The following CHCHD3 variants were observed in gnomAD, a reference collection of about 807,000 sequenced individuals.
CHCHD3 encodes the protein MICOS complex subunit MIC19.
Under a neutral mutation model 38.2 loss-of-function variants are expected in CHCHD3, and 20 were observed. The observed-to-expected ratio is 0.52, with a 90% CI of 0.37 to 0.76. The LOEUF is 0.76. Among genes scored for constraint, CHCHD3 ranks in the 30% least tolerant of loss-of-function variants. The pLI is 0.00. For missense variants in CHCHD3, 245 were observed against 279.2 expected (o/e 0.88, Z 0.87); for synonymous variants, 82 against 100.0 (o/e 0.82, Z 1.07).
intron 3 of CHCHD3, among the ~76,000 whole-genome samples, chr7:132,987,211 T>C (rs1812144564): frequency 6.6e-6 from 1 of 152,168 alleles, no homozygotes; most frequent in South Asian, 2.1e-4. Flanking sequence ...CATGATAATC[T>C]ATGAAAAGGA....
intron 4 of CHCHD3, chr7:132,972,890 T>C (rs1379629217): frequency 1.0e-6 from 1 of 985,330 alleles, no homozygotes. Context: ...TTTCTCATGC[T>C]TCACCAGCTA....
At chr7:132,809,627 C>A (rs1807015470) in intron 6 of CHCHD3, among the ~76,000 whole-genome samples, 1 of 152,166 alleles carries the variant, frequency 6.6e-6, no homozygotes, top group Admixed American at 6.5e-5. Flanking sequence ...ACTGAAATTT[C>A]TGTTAAACCA....
At chr7:132,786,991 C>T (rs182817638) in intron 7 of CHCHD3, among the ~76,000 whole-genome samples, 68 of 152,206 alleles carry the variant, frequency 4.5e-4, no homozygotes, top group Non-Finnish European at 2.1e-4. Context: ...GTAGCTGGAG[C>T]GAGCAGGGAA....
At chr7:132,970,705 G>A (rs913449177) in intron 4 of CHCHD3, among the ~76,000 whole-genome samples, 24 of 152,074 alleles carry the variant, frequency 1.6e-4, no homozygotes, top group African/African-American at 5.8e-4. Context: ...AGTAATGGAA[G>A]AATTTTGAAG....
intron 7 of CHCHD3, among the ~76,000 whole-genome samples, chr7:132,796,171 A>G (rs1015441322): frequency 3.3e-5 from 5 of 152,224 alleles, no homozygotes; most frequent in Non-Finnish European, 5.9e-5. Flanking sequence ...TTAGAAGACA[A>G]AAGTTCAGGG....
intron 3 of CHCHD3, among the ~76,000 whole-genome samples, chr7:133,003,013 G>A (rs1197820333): frequency 6.6e-6 from 1 of 152,172 alleles, no homozygotes; most frequent in Non-Finnish European, 1.5e-5. Flanking sequence ...GTTGCAGTAT[G>A]TATACATGCC....
chr7:133,066,642 G>T (rs1488887684), intron 2 of CHCHD3, among the ~76,000 whole-genome samples: 1 of 152,110 alleles, frequency 6.6e-6, no homozygotes, highest in African/African-American at 2.4e-5. Context: ...TTCAAATGGG[G>T]AGTGAGAAGG....
At chr7:133,037,334 A>G (rs1813707870) in intron 2 of CHCHD3, among the ~76,000 whole-genome samples, 1 of 152,232 alleles carries the variant, frequency 6.6e-6, no homozygotes, top group Non-Finnish European at 1.5e-5. Flanking sequence ...ACTAGAAGCA[A>G]ATTAAATGTC....
chr7:132,985,551 T>A (rs1295778714), intron 3 of CHCHD3, among the ~76,000 whole-genome samples: 1 of 57,266 alleles, frequency 1.7e-5, no homozygotes, highest in Non-Finnish European at 3.3e-5. Context: ...AGGAGGGAGG[T>A]GGGGGGGTCA....
Position 132,785,675 on chromosome 7 carries a change from GA to G in CHCHD3, c.661-16del, listed in dbSNP as rs769883808. The stretch of plus-strand genomic sequence containing the variant: ...TCAAGCATGCTCTGCAAGAAAAACA[GA>G]AAGAGTAAGTTTTACCACCGGGAGA... On this transcript the variant is annotated splice_polypyrimidine_tract_variant and intron_variant, in intron 7 of 7. Coordinates refer to ENST00000262570, the MANE Select transcript of CHCHD3 (RefSeq NM_017812.4). 4 of 1,613,868 alleles carry G rather than the reference GA, an allele frequency of 2.5e-6. No individual in the cohort carries two copies. In the South Asian group the frequency reaches 4.4e-5, roughly 18 times the overall value.
chr7:132,865,325 G>GTTT (rs1008571382), intron 5 of CHCHD3, among the ~76,000 whole-genome samples: 2 of 152,186 alleles, frequency 1.3e-5, no homozygotes, highest in Non-Finnish European at 2.9e-5. Flanking sequence ...TAATCATGGG[G>GTTT]AAGAGGTTGG....
intron 6 of CHCHD3, 70 bp from the exon 7 acceptor site, chr7:132,796,647 A>G: frequency 7.2e-7 from 1 of 1,392,472 alleles, no homozygotes; most frequent in South Asian, 1.3e-5. Context: ...GTTAAAGAAC[A>G]CATAAAACGC....
intron 6 of CHCHD3, among the ~76,000 whole-genome samples, chr7:132,822,312 AGG>A (rs1447303468): frequency 3.9e-5 from 6 of 152,200 alleles, no homozygotes; most frequent in African/African-American, 1.4e-4. Context: ...ATTCACCTCT[AGG>A]GAATTACAAA....
At chr7:133,051,326 G>A (rs531050682) in intron 2 of CHCHD3, among the ~76,000 whole-genome samples, 22 of 152,230 alleles carry the variant, frequency 1.4e-4, no homozygotes, top group Admixed American at 4.6e-4. Context: ...CAAACAGCGC[G>A]GGGAGATAGC....
At chr7:133,022,938 A>C (rs569463963) in intron 3 of CHCHD3, among the ~76,000 whole-genome samples, 1 of 151,934 alleles carries the variant, frequency 6.6e-6, no homozygotes, top group South Asian at 2.1e-4. Context: ...AAAAAAAAAA[A>C]AAATCCTATG....
At chr7:133,010,163 C>G (rs7807434) in intron 3 of CHCHD3, among the ~76,000 whole-genome samples, 54,954 of 151,962 alleles carry the variant, frequency 0.36, 10,107 homozygotes, top group Admixed American at 0.41. Context: ...GGTCAAGGTA[C>G]TTGCCCACTC....
intron 2 of CHCHD3, among the ~76,000 whole-genome samples, chr7:133,054,971 C>T (rs1033210840): frequency 3.9e-5 from 6 of 151,954 alleles, no homozygotes; most frequent in Admixed American, 2.6e-4. Context: ...GCCTTCTGCC[C>T]ACAAGGAGCT....
intron 7 of CHCHD3, among the ~76,000 whole-genome samples, chr7:132,791,814 A>T (rs188966249): frequency 1.3e-3 from 205 of 152,258 alleles, no homozygotes; most frequent in African/African-American, 4.4e-3. Context: ...CACTAGCCTT[A>T]AGTTGGAGAG....
At chr7:132,978,193 A>AT (rs1157875333) in intron 3 of CHCHD3, among the ~76,000 whole-genome samples, 1 of 152,222 alleles carries the variant, frequency 6.6e-6, no homozygotes, top group Non-Finnish European at 1.5e-5. Flanking sequence ...AGTACCCACT[A>AT]TGCGGGTAGG....
Sources: allele counts gnomAD v4.1 joint callset (sites outside exome capture counted in the v4.1 genomes callset), GRCh38; gene constraint gnomAD v4.1.1; transcripts MANE v1.5; gene names NCBI Gene and HGNC (gene_info 2026-07-23, HGNC 2026-07-21).